Variants in SERPINI1 observed in about 807,000 individuals in gnomAD.
The protein encoded by SERPINI1 is serpin family I member 1.
Under a neutral mutation model 41.1 loss-of-function variants are expected in SERPINI1, and 19 were observed. That is an observed-to-expected ratio of 0.46 (90% CI 0.32 to 0.68). The LOEUF (loss-of-function observed/expected upper bound fraction) is 0.68, where lower values mean the gene tolerates loss of function less well. Among genes scored for constraint, SERPINI1 ranks in the 30% least tolerant of loss-of-function variants. The pLI is 0.03. For missense variants in SERPINI1, 460 were observed against 479.2 expected (o/e 0.96, Z 0.37); for synonymous variants, 138 against 156.6 (o/e 0.88, Z 0.89).
At chr3:167,744,669 TATATATAAATATATATATAAAC>T (rs1169497181) in intron 1 of SERPINI1, among the ~76,000 whole-genome samples, 1 of 103,422 alleles carries the variant, frequency 9.7e-6, no homozygotes, top group Non-Finnish European at 1.8e-5. Flanking sequence ...TATAAAAATA[TATATATAAATATATATATAAAC>T]ATATATAAAT....
chr3:167,780,211 A>G (rs1292655877), intron 1 of SERPINI1, among the ~76,000 whole-genome samples: 1 of 152,142 alleles, frequency 6.6e-6, no homozygotes, highest in East Asian at 1.9e-4. Context: ...TGATACTTTC[A>G]TAGTGCATTT....
At chr3:167,761,336 A>G (rs1726375435) in intron 1 of SERPINI1, among the ~76,000 whole-genome samples, 1 of 152,222 alleles carries the variant, frequency 6.6e-6, no homozygotes, top group Admixed American at 6.5e-5. Context: ...GCCTTTGCCC[A>G]GATTCTCTGT....
intron 1 of SERPINI1, among the ~76,000 whole-genome samples, chr3:167,761,684 T>C (rs1244080085): frequency 1.3e-5 from 2 of 152,234 alleles, no homozygotes; most frequent in African/African-American, 2.4e-5. Flanking sequence ...CAGCCCCATA[T>C]GGTAAAACGT....
At chr3:167,798,850 G>A (rs374082563) in intron 5 of SERPINI1, among the ~76,000 whole-genome samples, 49 of 152,214 alleles carry the variant, frequency 3.2e-4, no homozygotes, top group Middle Eastern at 3.4e-3. Context: ...GAGGGAAGAC[G>A]GAAAGGGGGC....
Position 167,794,655 on chromosome 3 carries a change from A to T in SERPINI1, c.712A>T (p.Ile238Phe). ...FSDGSNEAGG[I>F]YQVLEIPYEG... ...TGATGGCTCCAATGAAGCTGGTGGT[A>T]TCTACCAAGTCCTAGAAATACCATA... Residue 238 changes from isoleucine to phenylalanine, a missense_variant, in exon 5 of 9, where the codon ATC becomes TTC. Coordinates refer to ENST00000446050, the MANE Select transcript of SERPINI1 (RefSeq NM_001122752.2). 1 of 1,613,556 alleles carries T rather than the reference A, an allele frequency of 6.2e-7. No individual in the cohort carries two copies. The highest frequency in any genetic ancestry group is 8.5e-7 in the Non-Finnish European group (1 of 1,179,742).
intron 1 of SERPINI1, among the ~76,000 whole-genome samples, chr3:167,768,576 A>G (rs1425638464): frequency 6.6e-6 from 1 of 152,240 alleles, no homozygotes; most frequent in Admixed American, 6.5e-5. Context: ...TTTGTGTTTT[A>G]CACTATAGCA....
At chr3:167,756,708 G>A (rs1726204729) in intron 1 of SERPINI1, among the ~76,000 whole-genome samples, 1 of 152,054 alleles carries the variant, frequency 6.6e-6, no homozygotes. Flanking sequence ...ATAAGCATAT[G>A]CCCCTTGTAA....
chr3:167,773,651 G>A lies in SERPINI1; in HGVS notation c.-18-15460G>A, dbSNP rs947746520. Among the ~76,000 whole-genome samples the A allele has an allele frequency of 2.6e-5, 4 of 152,150 alleles. No individual in the cohort carries two copies. In the East Asian group the frequency reaches 5.8e-4, roughly 22 times the overall value. ...TTCAGTCATTCACACTGATGAACAG[G>A]AACAGGAAACCAAAGTTTCTTTTAG... On this transcript the variant is annotated intron_variant, in intron 1 of 8. Transcript: ENST00000446050.
intron 1 of SERPINI1, among the ~76,000 whole-genome samples, chr3:167,744,748 CT>C (rs1398060621): frequency 4.5e-5 from 5 of 110,378 alleles, no homozygotes; most frequent in Non-Finnish European, 8.9e-5. Flanking sequence ...TTATATATAA[CT>C]ATATTTATAT....
chr3:167,759,411 T>A lies in SERPINI1; in HGVS notation c.-19+23588T>A, dbSNP rs1472316881. 4.0e-5 allele frequency among the ~76,000 whole-genome samples: 6 copies of A among 148,768 alleles called. No individual in the cohort carries two copies. The South Asian group carries it at 1.3e-3, about 31-fold the overall frequency. On this transcript the variant is annotated intron_variant, in intron 1 of 8. Transcript: ENST00000446050. Reference sequence around the variant, plus strand: ...ATAAAGAAAATGTGGTATATATATATATATATATATGCGCCATGCAGTACT... The same window carrying A: ...ATAAAGAAAATGTGGTATATATATAAATATATATATGCGCCATGCAGTACT...
chr3:167,795,747 G>T (rs916283859), intron 5 of SERPINI1, among the ~76,000 whole-genome samples: 1 of 152,136 alleles, frequency 6.6e-6, no homozygotes, highest in African/African-American at 2.4e-5. Flanking sequence ...CTAGGGTAGA[G>T]CCAGTTTTCC....
chr3:167,801,023 GGC>G (rs1292241334), intron 5 of SERPINI1, among the ~76,000 whole-genome samples: 1 of 152,098 alleles, frequency 6.6e-6, no homozygotes, highest in Non-Finnish European at 1.5e-5. Flanking sequence ...TTGCCATATT[GGC>G]CAGGCTGGTC....
chr3:167,748,637 T>C (rs1042527331), intron 1 of SERPINI1, among the ~76,000 whole-genome samples: 17 of 152,166 alleles, frequency 1.1e-4, no homozygotes, highest in Non-Finnish European at 2.5e-4. Context: ...GTAGCATTGA[T>C]GATGCGGATT....
chr3:167,776,639 G>T (rs972268936), intron 1 of SERPINI1, among the ~76,000 whole-genome samples: 1 of 152,232 alleles, frequency 6.6e-6, no homozygotes, highest in Non-Finnish European at 1.5e-5. Context: ...AGGAAAAGTT[G>T]ATCTGTTTAG....
intron 5 of SERPINI1, among the ~76,000 whole-genome samples, chr3:167,806,366 C>T (rs1711638458): frequency 6.6e-6 from 1 of 151,944 alleles, no homozygotes; most frequent in South Asian, 2.1e-4. Context: ...AGGACAAATA[C>T]CTAAATGCAT....
intron 5 of SERPINI1, among the ~76,000 whole-genome samples, chr3:167,796,735 A>T (rs945808763): frequency 3.3e-4 from 49 of 150,032 alleles, no homozygotes; most frequent in African/African-American, 7.8e-4. Flanking sequence ...TATGTACAAC[A>T]TTTTTTTTTT....
chr3:167,823,039 A>G lies in SERPINI1; in HGVS notation c.1033A>G (p.Asn345Asp), dbSNP rs200482511. 1.5e-5 allele frequency: 24 copies of G among 1,610,414 alleles called. No individual in the cohort carries two copies. Among genetic ancestry groups the G allele is most frequent in the Admixed American group, 1.3e-4 (8 of 60,006 alleles). Reference sequence around the variant, plus strand: ...AATTCACAAGTCCTTCCTAGAGGTTAATGAAGAAGGCTCAGAAGCTGCTGC... The same window carrying G: ...AATTCACAAGTCCTTCCTAGAGGTTGATGAAGAAGGCTCAGAAGCTGCTGC... ...KAIHKSFLEV[N>D]EEGSEAAAVS... The change falls in exon 7 of 9, where the codon AAT (asparagine) becomes GAT (aspartate). Residue 345 changes from asparagine to aspartate, a missense_variant. Physicochemically the swap from Asn to Asp is conservative, Grantham distance 23. Transcript: ENST00000446050.
chr3:167,802,148 C>T lies in SERPINI1; in HGVS notation c.882-5096C>T, dbSNP rs1016836558. Among the ~76,000 whole-genome samples, 7 of 151,320 alleles carry T rather than the reference C, an allele frequency of 4.6e-5. No homozygotes were observed. In the South Asian group the frequency reaches 8.4e-4, roughly 18 times the overall value. On this transcript the variant is annotated intron_variant, in intron 5 of 8. Coordinates refer to ENST00000446050, the MANE Select transcript of SERPINI1 (RefSeq NM_001122752.2). The stretch of plus-strand genomic sequence containing the variant: ...ATTCAAGATGGATTAAAGACTTAAA[C>T]GTTAGACCTAAAACCATAAAAACCC...
chr3:167,783,647 A>G (rs907113983), intron 1 of SERPINI1, among the ~76,000 whole-genome samples: 1 of 152,048 alleles, frequency 6.6e-6, no homozygotes, highest in Non-Finnish European at 1.5e-5. Context: ...GAACAAGGAA[A>G]CCACTCCCTC....
Sources: allele counts gnomAD v4.1 joint callset (sites outside exome capture counted in the v4.1 genomes callset), GRCh38; gene constraint gnomAD v4.1.1; transcripts MANE v1.5; gene names NCBI Gene and HGNC (gene_info 2026-07-23, HGNC 2026-07-21).